The following PTPRS variants were observed in gnomAD, a reference collection of about 807,000 sequenced individuals.
The protein encoded by PTPRS is protein tyrosine phosphatase receptor type S.
In PTPRS, 63 loss-of-function variants were observed where a neutral mutation model predicts 215.3. The ratio of observed to expected loss-of-function variants is 0.29; its 90% CI spans 0.24 to 0.36. The LOEUF (loss-of-function observed/expected upper bound fraction) is 0.36. Among genes scored for constraint, PTPRS ranks in the 10% least tolerant of loss-of-function variants. PTPRS has a pLI of 1.00. For synonymous variants in PTPRS, 1,404 were observed against 1,191.4 expected (o/e 1.18, Z -3.68); for missense variants, 2,258 against 2,825.8 (o/e 0.80, Z 4.56).
intron 9 of PTPRS, among the ~76,000 whole-genome samples, chr19:5,250,233 T>G (rs2044874334): frequency 1.3e-5 from 2 of 152,212 alleles, no homozygotes; most frequent in Non-Finnish European, 1.5e-5. Flanking sequence ...AGGGCTGGTT[T>G]GCCACGAGTT....
intron 4 of PTPRS, among the ~76,000 whole-genome samples, chr19:5,265,868 C>G (rs1187414683): frequency 6.6e-6 from 1 of 152,168 alleles, no homozygotes; most frequent in Non-Finnish European, 1.5e-5. Context: ...AAGCACAAAC[C>G]TGGCCCCAAG....
At chr19:5,283,189 C>CAT (rs2048017582) in intron 2 of PTPRS, among the ~76,000 whole-genome samples, 2 of 152,150 alleles carry the variant, frequency 1.3e-5, no homozygotes, top group Non-Finnish European at 2.9e-5. Flanking sequence ...GCCAGCCCCA[C>CAT]GGCATCCTGG....
At position 5,229,516 on chromosome 19, in the gene PTPRS, T is replaced by C; in HGVS notation, c.2324A>G (p.Lys775Arg). ...CTGGGCATCGGCCAGCATGACGTCC[T>C]TGATGCGCGGCGGCCCGCGGGCCTC... ...GAEARGPPRIKDVMLADAQWE... is the reference protein window; with the variant it reads ...GAEARGPPRIRDVMLADAQWE... Residue 775 changes from lysine to arginine, a missense_variant, in exon 15 of 38, where the codon AAG (lysine) becomes AGG (arginine). Lys to Arg is a conservative substitution (Grantham distance 26). This residue lies in a region of PTPRS where 371 missense variants were observed against 446.7 expected (regional missense o/e 0.83). Coordinates refer to ENST00000262963, the MANE Select transcript of PTPRS (RefSeq NM_002850.4). 4 of 1,463,748 alleles carry C rather than the reference T, an allele frequency of 2.7e-6. No individual in the cohort carries two copies. In the South Asian group the frequency reaches 5.4e-5, roughly 20 times the overall value. The allele number at this position is 1,463,748 out of a possible 1,614,324, so 90.7% of individuals were successfully genotyped here.
rs1050481140 is a variant in PTPRS, at chr19:5,312,610, A to G, written c.-94-26376T>C. Among the ~76,000 whole-genome samples the G allele has an allele frequency of 2.6e-5, 4 of 152,230 alleles. No individual in the cohort carries two copies. In the South Asian group the frequency reaches 8.3e-4, roughly 31 times the overall value. ...TAGGAGATGGAGGCGGCAGTGAGCTATGATCACACCACTGCACTTCAGTCT... is the reference window on the plus strand; with the variant it reads ...TAGGAGATGGAGGCGGCAGTGAGCTGTGATCACACCACTGCACTTCAGTCT... On this transcript the variant is annotated intron_variant, in intron 1 of 37. Transcript: ENST00000262963.
At chr19:5,247,885 C>T (rs1021411086) in intron 9 of PTPRS, among the ~76,000 whole-genome samples, 2 of 151,602 alleles carry the variant, frequency 1.3e-5, no homozygotes, top group Admixed American at 6.6e-5. Context: ...GGCAGCCCTT[C>T]GGAAAAAGAA....
intron 1 of PTPRS, among the ~76,000 whole-genome samples, chr19:5,296,381 T>C (rs1443782769): frequency 6.6e-6 from 1 of 152,078 alleles, no homozygotes; most frequent in African/African-American, 2.4e-5. Flanking sequence ...ATGACTGTGG[T>C]TCCAGCTACT....
Position 5,286,089 on chromosome 19 carries a change from G to A in PTPRS, c.52C>T (p.Leu18Phe). The part of the protein sequence containing the change: ...GMVSVVGPMG[L>F]LVVLLVGGCA... ...CCTCCAACGAGCAGGACCACAAGGA[G>A]GCCCATGGGACCAACCACAGACACC... Residue 18 changes from leucine (L) to phenylalanine (F), a missense_variant, in exon 2 of 38, where the codon CTC becomes TTC. Transcript: ENST00000262963. 6.2e-7 allele frequency: 1 copy of A among 1,614,142 alleles called. No individual in the cohort carries two copies. Among genetic ancestry groups the A allele is most frequent in the South Asian group, 1.1e-5 (1 of 91,076 alleles).
intron 35 of PTPRS, among the ~76,000 whole-genome samples, chr19:5,209,391 CCAT>C (rs760630178): frequency 2.0e-5 from 3 of 152,058 alleles, no homozygotes; most frequent in Non-Finnish European, 4.4e-5. Flanking sequence ...TCTCCATTCC[CCAT>C]CATCTGCCTT....
Position 5,215,370 on chromosome 19 carries a change from G to A in PTPRS, c.4237C>T (p.Leu1413=), listed in dbSNP as rs1452026426. Residue 1413 remains leucine, a synonymous_variant, in exon 28 of 38, where the codon CTG becomes TTG. Transcript: ENST00000262963. ...GQQFTWEHSN[L]EVNKPKNRYA... is the part of the protein sequence containing the mutation. ...CGGTTCTTCGGCTTGTTCACTTCCA[G>A]GTTGGAATGTTCCCATGTGAACTGC... 6.2e-7 allele frequency: 1 copy of A among 1,614,124 alleles called. No homozygotes were observed. Among genetic ancestry groups the A allele is most frequent in the Middle Eastern group, 1.6e-4 (1 of 6,062 alleles).
rs116786686 is a variant in PTPRS at position 5,205,750 on chromosome 19, A to G, written c.*1024T>C. ...GTCCCTGATGTGGGGCAGCACAGCC[A>G]TACAGCCACTGTCCCCGAAGAAGTA... is the stretch of plus-strand genomic sequence containing the variant. On this transcript the variant is annotated 3_prime_UTR_variant, in exon 38 of 38. Coordinates refer to ENST00000262963, the MANE Select transcript of PTPRS (RefSeq NM_002850.4). Among the ~76,000 whole-genome samples the G allele has an allele frequency of 0.015, 2,334 of 152,152 alleles. 58 individuals are homozygous for G. Among genetic ancestry groups the G allele is most frequent in the African/African-American group, 0.052 (2,166 of 41,492 alleles).
In PTPRS at chr19:5,212,103, G is replaced by A. The variant is rs2040953951; in HGVS notation, c.4917C>T (p.Ser1639=). 1 of 1,613,992 alleles carries A rather than the reference G, an allele frequency of 6.2e-7. No homozygotes were observed. Among genetic ancestry groups the A allele is most frequent in the Non-Finnish European group, 8.5e-7 (1 of 1,180,060 alleles). ...NYMVQTEDQY[S]FIHEALLEAV... ...CCTCCAGCAGGGCCTCGTGGATGAA[G>A]CTGTACTGGTCCTCCGTCTGCACCA... The change falls in exon 32 of 38, where the codon AGC becomes AGT. Residue 1639 remains serine (S), a synonymous_variant. Coordinates refer to ENST00000262963, the MANE Select transcript of PTPRS (RefSeq NM_002850.4).
At chr19:5,233,023 C>T (rs1401907805) in intron 13 of PTPRS, among the ~76,000 whole-genome samples, 5 of 151,700 alleles carry the variant, frequency 3.3e-5, no homozygotes, top group Non-Finnish European at 5.9e-5. Context: ...ATGCCAGGCA[C>T]CACGCCAAGG....
At position 5,293,234 on chromosome 19, in the gene PTPRS, C is replaced by A. The variant is rs1416661367; in HGVS notation, c.-94-7000G>T. 1.3e-5 allele frequency: 2 copies of A among 151,136 alleles called. No individual in the cohort carries two copies. Among genetic ancestry groups the A allele is most frequent in the African/African-American group, 4.9e-5 (2 of 41,150 alleles). 9.4% of individuals were successfully genotyped at this position (151,136 alleles called of 1,614,324 possible). A position where few individuals can be genotyped will look rare whatever the true frequency, so the allele number is the denominator to read the frequency against. On this transcript the variant is annotated intron_variant, in intron 1 of 37. Transcript: ENST00000262963. This position sits in a 1 kb window ranked among gnomAD's most constrained non-coding sequence, Gnocchi z 8.4. ...GTCCCTCGGTCCGCCCGGAGCGCGG[C>A]GCGCAGCGAAGACTCGGGAGAGGCC...
In PTPRS at chr19:5,222,720, G is replaced by T. The variant is rs550094738; in HGVS notation, c.3072C>A (p.Pro1024=). 7.5e-6 allele frequency: 12 copies of T among 1,594,236 alleles called. No homozygotes were observed. Among genetic ancestry groups the T allele is most frequent in the Non-Finnish European group, 1.0e-5 (12 of 1,176,436 alleles). Residue 1024 remains proline (P), a synonymous_variant, in exon 18 of 38, where the codon CCC becomes CCA. Transcript: ENST00000262963. ...CCCGCAGGAACGTCCGGTAGCGGAC[G>T]GGGGGGCTGAAGGGGCCAGGGCCCC... ...TRRGPGPFSP[P]VRYRTFLRDQ... is the part of the protein sequence containing the mutation.
chr19:5,223,777 G>A (rs1456637479), intron 17 of PTPRS, among the ~76,000 whole-genome samples: 3 of 150,898 alleles, frequency 2.0e-5, no homozygotes, highest in African/African-American at 7.3e-5. Flanking sequence ...GGCCAGGCTG[G>A]TCTTGAACTC....
In PTPRS at chr19:5,260,103, T is replaced by C. The variant is rs192004751; in HGVS notation, c.595+702A>G. On this transcript the variant is annotated intron_variant, in intron 7 of 37. Coordinates refer to ENST00000262963, the MANE Select transcript of PTPRS (RefSeq NM_002850.4). ...ACCGACCTGAGAGTGCATGTCTCTA[T>C]GTGTCCTTGGGTTAGAACCTCCAGA... is the stretch of plus-strand genomic sequence containing the variant. Among the ~76,000 whole-genome samples, 13 of 152,044 alleles carry C rather than the reference T, an allele frequency of 8.6e-5. No homozygotes were observed. In the East Asian group the frequency reaches 1.9e-3, roughly 23 times the overall value.
At chr19:5,273,223 T>A in intron 4 of PTPRS, 1 of 604,826 alleles carries the variant, frequency 1.7e-6, no homozygotes, top group Non-Finnish European at 2.9e-6. Context: ...TTAGGATGAT[T>A]CTAGTCTCTC....
intron 8 of PTPRS, among the ~76,000 whole-genome samples, chr19:5,256,666 C>T (rs1479832650): frequency 1.3e-5 from 2 of 152,156 alleles, no homozygotes; most frequent in Non-Finnish European, 2.9e-5. Context: ...GAGTCACGAA[C>T]GCATTACAAC....
chr19:5,209,627 C>T (rs1224556945), intron 35 of PTPRS, among the ~76,000 whole-genome samples: 2 of 152,212 alleles, frequency 1.3e-5, no homozygotes, highest in African/African-American at 4.8e-5. Context: ...ATTTTCTCCA[C>T]CCCCTGCTGG....
Sources: gnomAD v4.1 joint callset for allele counts (sites outside exome capture counted in the v4.1 genomes callset) on GRCh38, gnomAD v4.1.1 for gene constraint, gnomAD v4.1.1 regional missense constraint, Gnocchi (gnomAD v3.1) non-coding constraint, MANE v1.5 for transcripts, NCBI Gene and HGNC (gene_info 2026-07-23, HGNC 2026-07-21) for gene names.